Variants in ACAD11 observed in about 807,000 individuals in gnomAD.
The protein encoded by ACAD11 is acyl-Coenzyme A dehydrogenase family, member 11.
In ACAD11, 83 loss-of-function variants were observed where a neutral mutation model predicts 102.2. The observed-to-expected ratio is 0.81, with a 90% CI of 0.68 to 0.97. ACAD11 has a LOEUF of 0.97. Among genes scored for constraint, ACAD11 ranks in the 50% least tolerant of loss-of-function variants. ACAD11 has a pLI of 0.00. For synonymous variants in ACAD11, 324 were observed against 319.8 expected (o/e 1.01, Z -0.14); for missense variants, 901 against 951.7 (o/e 0.95, Z 0.70).
rs1342884972 is a variant in ACAD11 at position 132,630,543 on chromosome 3, T to C, written c.857A>G (p.Glu286Gly). Residue 286 changes from glutamate to glycine, a missense_variant, in exon 7 of 20, where the codon GAA becomes GGA. Transcript: ENST00000264990. ...YSENSGIPSM[E>G]ELISIYCRCR... Reference sequence around the variant, plus strand: ...GCGGCAATATATTGAAATCAGTTCTTCCATTGATGGTATCCCTATAAAAAC... The same window carrying C: ...GCGGCAATATATTGAAATCAGTTCTCCCATTGATGGTATCCCTATAAAAAC... 6.2e-7 allele frequency: 1 copy of C among 1,610,198 alleles called. No individual in the cohort carries two copies. The highest frequency in any genetic ancestry group is 1.7e-5 in the Admixed American group (1 of 59,382).
intron 8 of ACAD11, 84 bp from the exon 9 acceptor site, chr3:132,626,901 C>T (rs61234102): frequency 1.5e-6 from 2 of 1,350,792 alleles, no homozygotes; most frequent in East Asian, 5.1e-5. Context: ...TGTGAAGTTT[C>T]CTCAGCTACC....
At chr3:132,593,697 G>C (rs1392560511) in intron 13 of ACAD11, among the ~76,000 whole-genome samples, 1 of 152,150 alleles carries the variant, frequency 6.6e-6, no homozygotes, top group African/African-American at 2.4e-5. Flanking sequence ...TTGAGTCTAG[G>C]AGTTGGAGGC....
At chr3:132,602,865 C>T (rs1938674423) in intron 13 of ACAD11, among the ~76,000 whole-genome samples, 1 of 151,984 alleles carries the variant, frequency 6.6e-6, no homozygotes, top group Non-Finnish European at 1.5e-5. Flanking sequence ...TACAGTGGTG[C>T]CATCTCAGCG....
intron 13 of ACAD11, among the ~76,000 whole-genome samples, chr3:132,585,817 C>T (rs1937794155): frequency 1.3e-5 from 2 of 152,080 alleles, no homozygotes; most frequent in African/African-American, 4.8e-5. Context: ...GTTAGAATGG[C>T]AATCATTAAA....
intron 13 of ACAD11, among the ~76,000 whole-genome samples, chr3:132,584,881 G>T (rs536036055): frequency 6.6e-6 from 1 of 152,242 alleles, no homozygotes; most frequent in Admixed American, 6.5e-5. Flanking sequence ...TATGCTCATG[G>T]GTAGGAAGAA....
intron 17 of ACAD11, among the ~76,000 whole-genome samples, chr3:132,568,801 CAAAAAAAAAAAA>C (rs755568917): frequency 0.1 from 7,101 of 68,834 alleles, 656 homozygotes; most frequent in African/African-American, 0.34. Flanking sequence ...CATCCACAGG[CAAAAAAAAAAAA>C]AAAAAAAAAA....
chr3:132,637,573 A>G lies in ACAD11; in HGVS notation c.702+1919T>C, dbSNP rs546400714. On this transcript the variant is annotated intron_variant, in intron 5 of 19. Transcript: ENST00000264990. Reference sequence around the variant, plus strand: ...TGTTTCTAATTAAATATATTTTTCAAGTTGAAATGACAATATGCAGATTTT... The same window carrying G: ...TGTTTCTAATTAAATATATTTTTCAGGTTGAAATGACAATATGCAGATTTT... Among the ~76,000 whole-genome samples the G allele has an allele frequency of 3.9e-5, 6 of 152,292 alleles. No individual in the cohort carries two copies. The South Asian group carries it at 1.2e-3, about 32-fold the overall frequency.
At position 132,577,301 on chromosome 3, in the gene ACAD11, C is replaced by T. The variant is rs913133311; in HGVS notation, c.1775-286G>A. ...AAAGGAAGACCAGGCTCCATAGATC[C>T]AGCCAGAGTATTTTATTTGTTTTAT... On this transcript the variant is annotated intron_variant, in intron 15 of 19. Coordinates refer to ENST00000264990, the MANE Select transcript of ACAD11 (RefSeq NM_032169.5). Among the ~76,000 whole-genome samples, 5 of 152,210 alleles carry T rather than the reference C, an allele frequency of 3.3e-5. No homozygotes were observed. The East Asian group carries it at 9.6e-4, about 29-fold the overall frequency.
At chr3:132,587,896 C>T (rs1469399048) in intron 13 of ACAD11, among the ~76,000 whole-genome samples, 1 of 152,062 alleles carries the variant, frequency 6.6e-6, no homozygotes, top group Non-Finnish European at 1.5e-5. Flanking sequence ...AGCCAGAGAC[C>T]CAAGCAAAGT....
At chr3:132,570,278 T>C (rs1937336605) in intron 17 of ACAD11, among the ~76,000 whole-genome samples, 1 of 152,082 alleles carries the variant, frequency 6.6e-6, no homozygotes, top group Non-Finnish European at 1.5e-5. Context: ...AAACACAGAA[T>C]TGAGTTGGTC....
At chr3:132,619,608 A>C in intron 9 of ACAD11, 63 bp from the exon 10 acceptor site, 1 of 888,462 alleles carries the variant, frequency 1.1e-6, no homozygotes, top group Non-Finnish European at 1.7e-6. Context: ...ACAATGTCAT[A>C]AACTGCTAAT....
At chr3:132,614,297 T>C (rs1016714072) in intron 11 of ACAD11, among the ~76,000 whole-genome samples, 2 of 152,178 alleles carry the variant, frequency 1.3e-5, no homozygotes, top group African/African-American at 2.4e-5. Flanking sequence ...TACCATTGAC[T>C]TTCTTCACAG....
Position 132,579,534 on chromosome 3 carries a change from A to G in ACAD11, c.1646T>C (p.Ile549Thr), listed in dbSNP as rs751359700. The change falls in exon 14 of 20, where the codon ATT becomes ACT. Residue 549 changes from isoleucine (I) to threonine (T), a missense_variant. Physicochemically the swap from Ile to Thr is moderately conservative, Grantham distance 89. Transcript: ENST00000264990. ...TTGAGTTCTTCCCAAAACAATTGCAATTTTGCACTTGGGATTCCCAGCTCC... is the reference window on the plus strand; with the variant it reads ...TTGAGTTCTTCCCAAAACAATTGCAGTTTTGCACTTGGGATTCCCAGCTCC... ...SSGAGNPKCK[I>T]AIVLGRTQNT... is the part of the protein sequence containing the mutation. 1.5e-5 allele frequency: 25 copies of G among 1,612,994 alleles called. No homozygotes were observed. The highest frequency in any genetic ancestry group is 2.2e-5 in the East Asian group (1 of 44,802).
At chr3:132,564,747 G>C (rs193148391) in intron 17 of ACAD11, among the ~76,000 whole-genome samples, 7 of 152,146 alleles carry the variant, frequency 4.6e-5, no homozygotes, top group Non-Finnish European at 1.0e-4. Flanking sequence ...GGATGGAATC[G>C]ATATATTTTT....
intron 11 of ACAD11, among the ~76,000 whole-genome samples, chr3:132,612,286 A>C (rs992043437): frequency 1.1e-4 from 17 of 152,164 alleles, no homozygotes; most frequent in Non-Finnish European, 1.9e-4. Context: ...AAGAAAACCT[A>C]GGCAATACCA....
At chr3:132,619,353 G>A (rs1294581767) in intron 10 of ACAD11, 115 bp downstream of exon 10, 2 of 602,596 alleles carry the variant, frequency 3.3e-6, no homozygotes, top group Non-Finnish European at 5.6e-6. Flanking sequence ...TTTTTTAAAG[G>A]TTATTATTGA....
chr3:132,576,673 C>T (rs572049563), intron 16 of ACAD11, among the ~76,000 whole-genome samples: 16 of 152,236 alleles, frequency 1.1e-4, no homozygotes, highest in African/African-American at 2.4e-4. Flanking sequence ...TAAGAAAATC[C>T]GCCAAACAGA....
chr3:132,623,366 T>A (rs1390312141), intron 9 of ACAD11, among the ~76,000 whole-genome samples: 1 of 152,146 alleles, frequency 6.6e-6, no homozygotes, highest in Admixed American at 6.5e-5. Flanking sequence ...TTATATAGAT[T>A]TTTCCCTCTT....
chr3:132,587,782 T>C (rs1937903833), intron 13 of ACAD11, among the ~76,000 whole-genome samples: 1 of 152,238 alleles, frequency 6.6e-6, no homozygotes, highest in African/African-American at 2.4e-5. Flanking sequence ...CTGCAGAGTC[T>C]ATCACAATTC....
Sources: allele counts gnomAD v4.1 joint callset (sites outside exome capture counted in the v4.1 genomes callset), GRCh38; gene constraint gnomAD v4.1.1; transcripts MANE v1.5; gene names NCBI Gene and HGNC (gene_info 2026-07-23, HGNC 2026-07-21).